The following DLGAP2 variants were observed in gnomAD, a reference collection of about 807,000 sequenced individuals.
DLGAP2 encodes disks large-associated protein 2.
Under a neutral mutation model 100.3 loss-of-function variants are expected in DLGAP2, and 26 were observed. The observed-to-expected ratio is 0.26, with a 90% CI of 0.19 to 0.36. The LOEUF (loss-of-function observed/expected upper bound fraction) is 0.36. Ranked by LOEUF, DLGAP2 falls within the 10% of genes least tolerant of loss-of-function variation. DLGAP2 has a pLI of 1.00. For missense variants in DLGAP2, 1,858 were observed against 1,453.2 expected, an observed-to-expected ratio of 1.28 and a Z score of -4.53; for synonymous variants, 886 against 630.1, an observed-to-expected ratio of 1.41 and a Z score of -6.08.
intron 1 of DLGAP2, among the ~76,000 whole-genome samples, chr8:786,632 G>A (rs1821875198): frequency 2.0e-5 from 3 of 152,056 alleles, no homozygotes; most frequent in South Asian, 2.1e-4. Flanking sequence ...AGAGACGGGC[G>A]CTGCCTCGGT....
chr8:1,211,732 A>G (rs1798107941), intron 2 of DLGAP2, among the ~76,000 whole-genome samples: 1 of 152,172 alleles, frequency 6.6e-6, no homozygotes, highest in Admixed American at 6.5e-5. Flanking sequence ...AAAATTAGCC[A>G]GGCGTGGTAG....
chr8:1,574,229 G>C (rs190299085), intron 6 of DLGAP2, among the ~76,000 whole-genome samples: 71 of 152,306 alleles, frequency 4.7e-4, no homozygotes, highest in African/African-American at 1.5e-3. Flanking sequence ...AATGGAAACA[G>C]GTTCTGCGTC....
At chr8:1,590,422 C>G (rs7824839) in intron 6 of DLGAP2, among the ~76,000 whole-genome samples, 99 of 152,274 alleles carry the variant, frequency 6.5e-4, no homozygotes, top group African/African-American at 2.2e-3. Flanking sequence ...CTTTTCTCTT[C>G]CGGAATGTAT....
chr8:1,337,858 T>A (rs1414582260), intron 3 of DLGAP2, among the ~76,000 whole-genome samples: 1 of 152,006 alleles, frequency 6.6e-6, no homozygotes, highest in Non-Finnish European at 1.5e-5. Context: ...AAAAGACCAG[T>A]CAAATTAAAA....
intron 6 of DLGAP2, chr8:1,619,913 G>C (rs1270319808): frequency 1.3e-5 from 2 of 152,196 alleles, no homozygotes; most frequent in Non-Finnish European, 2.9e-5. Flanking sequence ...ACATTTCACG[G>C]CCAAGCACAC....
intron 3 of DLGAP2, among the ~76,000 whole-genome samples, chr8:1,412,242 C>G (rs1191756679): frequency 1.3e-5 from 2 of 152,178 alleles, no homozygotes; most frequent in African/African-American, 2.4e-5. Flanking sequence ...CCCCGCCAGC[C>G]TCCTGCTCTG....
chr8:1,502,671 C>G, intron 4 of DLGAP2, among the ~76,000 whole-genome samples: 1 of 152,158 alleles, frequency 6.6e-6, no homozygotes, highest in East Asian at 1.9e-4. Flanking sequence ...TGGCAATACT[C>G]CATCGCGATG....
At chr8:1,507,128 C>T (rs139938590) in intron 4 of DLGAP2, among the ~76,000 whole-genome samples, 1,712 of 152,362 alleles carry the variant, frequency 0.011, 12 homozygotes, top group Non-Finnish European at 0.018. Flanking sequence ...GCGCTGGGGC[C>T]ACGGGCAGAG....
chr8:1,176,952 G>C (rs12216839), intron 2 of DLGAP2, among the ~76,000 whole-genome samples: 33,442 of 152,138 alleles, frequency 0.22, 3,874 homozygotes, highest in Middle Eastern at 0.37. Context: ...TCTGGGAACT[G>C]AGCAAGCAAG....
At chr8:1,545,290 C>G (rs1465701020) in intron 4 of DLGAP2, among the ~76,000 whole-genome samples, 1 of 152,096 alleles carries the variant, frequency 6.6e-6, no homozygotes, top group Non-Finnish European at 1.5e-5. Flanking sequence ...ACGGCGTGCA[C>G]CCTGTAAACA....
In DLGAP2 at chr8:1,184,750, G is replaced by C. The variant is rs376458873; in HGVS notation, c.74-74101G>C. 2.5e-3 allele frequency among the ~76,000 whole-genome samples: 386 copies of C among 152,304 alleles called. 9 individuals are homozygous for C. In the South Asian group the frequency reaches 0.039, roughly 15 times the overall value. ...CCTGGGAGGAGGGTGAGGCCACCGG[G>C]AGGCAAGCATGCTGGTGACGATGAC... On this transcript the variant is annotated intron_variant, in intron 2 of 14. Transcript: ENST00000637795.
intron 2 of DLGAP2, among the ~76,000 whole-genome samples, chr8:925,431 TCA>T (rs1428726605): frequency 6.6e-6 from 1 of 152,150 alleles, no homozygotes; most frequent in Non-Finnish European, 1.5e-5. Flanking sequence ...TGAAGTTACC[TCA>T]CGGAAGGATG....
chr8:1,096,953 C>T (rs1804394440), intron 2 of DLGAP2, among the ~76,000 whole-genome samples: 1 of 142,130 alleles, frequency 7.0e-6, no homozygotes, highest in African/African-American at 2.7e-5. Context: ...AGGCCTTCAC[C>T]CTCTGTGGCA....
At chr8:996,599 C>T (rs1294655262) in intron 2 of DLGAP2, among the ~76,000 whole-genome samples, 3 of 152,130 alleles carry the variant, frequency 2.0e-5, no homozygotes, top group Non-Finnish European at 4.4e-5. Context: ...AGACAAGTTT[C>T]GTTATCAACC....
chr8:769,648 C>G (rs1460820585), intron 1 of DLGAP2, among the ~76,000 whole-genome samples: 1 of 152,126 alleles, frequency 6.6e-6, no homozygotes, highest in African/African-American at 2.4e-5. Context: ...TTGAGTGGCT[C>G]AGGTGATGCT....
At chr8:1,118,600 G>A (rs1390723940) in intron 2 of DLGAP2, among the ~76,000 whole-genome samples, 1 of 151,464 alleles carries the variant, frequency 6.6e-6, no homozygotes, top group Non-Finnish European at 1.5e-5. Flanking sequence ...ATGGAATTCT[G>A]CCTCCCAAAC....
At chr8:740,271 A>G (rs953292925) in intron 1 of DLGAP2, 2 of 152,250 alleles carry the variant, frequency 1.3e-5, no homozygotes, top group African/African-American at 4.8e-5. Flanking sequence ...TCAACTTTTC[A>G]TAGTATTCAA....
chr8:1,205,569 C>G (rs7464158), intron 2 of DLGAP2, among the ~76,000 whole-genome samples: 46,680 of 152,082 alleles, frequency 0.31, 8,535 homozygotes, highest in African/African-American at 0.51. Flanking sequence ...ACCCTGGGAG[C>G]TTTTACTGCA....
At chr8:1,271,567 G>A (rs1182423189) in intron 3 of DLGAP2, among the ~76,000 whole-genome samples, 1 of 152,160 alleles carries the variant, frequency 6.6e-6, no homozygotes, top group East Asian at 1.9e-4. Context: ...AATTCAATCA[G>A]TAGTTGCAAT....
Sources: allele counts gnomAD v4.1 joint callset (sites outside exome capture counted in the v4.1 genomes callset), GRCh38; gene constraint gnomAD v4.1.1; transcripts MANE v1.5; gene names NCBI Gene and HGNC (gene_info 2026-07-23, HGNC 2026-07-21).